Variants in FRMPD4 observed in about 807,000 individuals in gnomAD.
FRMPD4 encodes the protein FERM and PDZ domain containing 4.
A neutral mutation model predicts 94.1 loss-of-function variants in FRMPD4; 22 were observed. The ratio of observed to expected loss-of-function variants is 0.23; its 90% CI spans 0.17 to 0.33. The LOEUF is 0.33. Ranked by LOEUF, FRMPD4 falls within the 10% of genes least tolerant of loss-of-function variation. The pLI is 1.00. For missense variants in FRMPD4, 1,111 were observed against 1,339.9 expected, an observed-to-expected ratio of 0.83 and a Z score of 2.67; for synonymous variants, 631 against 548.6, an observed-to-expected ratio of 1.15 and a Z score of -2.10.
intron 1 of FRMPD4, among the ~76,000 whole-genome samples, chrX:12,221,931 A>C (rs1001724195): frequency 8.9e-6 from 1 of 112,475 alleles, no homozygotes; most frequent in Admixed American, 9.4e-5. Context: ...TGAAGATTTT[A>C]TAATGTAAAG....
intron 3 of FRMPD4, among the ~76,000 whole-genome samples, chrX:11,996,963 A>G (rs1247256041): frequency 4.5e-5 from 5 of 111,736 alleles, no homozygotes; most frequent in African/African-American, 1.3e-4. Context: ...GAGGGTGATT[A>G]CTACATGGCT....
intron 1 of FRMPD4, among the ~76,000 whole-genome samples, chrX:12,417,487 G>T (rs1252749996): frequency 3.8e-5 from 4 of 104,437 alleles, no homozygotes; most frequent in African/African-American, 7.0e-5. Context: ...GCCAAGGCAG[G>T]AGAATCACTT....
At chrX:12,537,815 C>T (rs985784423) in intron 2 of FRMPD4, among the ~76,000 whole-genome samples, 8 of 110,465 alleles carry the variant, frequency 7.2e-5, no homozygotes, top group African/African-American at 2.6e-4. Context: ...ATTAACAAAA[C>T]TTTTCCAGGT....
rs769154597 is a variant in FRMPD4 at position 12,614,793 on chromosome X, G to A, written c.334G>A (p.Gly112Ser). 14 of 1,169,884 alleles carry A rather than the reference G, an allele frequency of 1.2e-5. No individual in the cohort carries two copies. Among genetic ancestry groups the A allele is most frequent in the Admixed American group, 2.2e-5 (1 of 45,508 alleles). The change falls in exon 4 of 17, where the codon GGC becomes AGC. Residue 112 changes from glycine to serine, a missense_variant. By Grantham distance (56) the Gly-to-Ser change is moderately conservative (BLOSUM62 0). Transcript: ENST00000675598. ...RSVTPGGPSE[G>S]KLIPGDQIVM... ...TTTGTCTCCAGGTGGCCCCTCTGAAGGCAAGCTGATCCCGGGAGATCAGAT... is the reference window on the plus strand; with the variant it reads ...TTTGTCTCCAGGTGGCCCCTCTGAAAGCAAGCTGATCCCGGGAGATCAGAT...
intron 1 of FRMPD4, among the ~76,000 whole-genome samples, chrX:12,159,019 T>A (rs748613272): frequency 8.9e-6 from 1 of 112,386 alleles, no homozygotes; most frequent in East Asian, 2.8e-4. Flanking sequence ...ATATTTAAGC[T>A]GGAGCAGGAT....
chrX:12,190,710 G>T (rs868421568), intron 1 of FRMPD4, among the ~76,000 whole-genome samples: 52 of 64,455 alleles, frequency 8.1e-4, no homozygotes, highest in Non-Finnish European at 1.5e-3. Context: ...AAAAAAAAAA[G>T]AATCTACACA....
At position 12,683,603 on chromosome X, in the gene FRMPD4, C is replaced by CAAAGCAGGTGA; in HGVS notation, c.573+16_573+17insAAAGCAGGTGA. 1.1e-6 allele frequency: 1 copy of CAAAGCAGGTGA among 918,493 alleles called. No individual in the cohort carries two copies. The allele number at this position is 918,493 out of a possible 1,213,427, so 75.7% of individuals were successfully genotyped here. On this transcript the variant is annotated intron_variant, in intron 6 of 16. Coordinates refer to ENST00000675598, the MANE Select transcript of FRMPD4 (RefSeq NM_001368397.1). Reference sequence around the variant, plus strand: ...CCAAGTGTCGGTGAGTTTACAGTCACCTGCTTTGTGACTCAGGGAGAGTCA... The same window carrying CAAAGCAGGTGA: ...CCAAGTGTCGGTGAGTTTACAGTCACAAAGCAGGTGACTGCTTTGTGACTCAGGGAGAGTCA...
intron 1 of FRMPD4, among the ~76,000 whole-genome samples, chrX:11,853,891 A>G (rs778530219): frequency 6.2e-5 from 7 of 112,471 alleles, no homozygotes; most frequent in Non-Finnish European, 1.3e-4. Flanking sequence ...TGAGGCCAGC[A>G]TCATCCTGAT....
chrX:12,138,724 T>G lies in FRMPD4; in HGVS notation c.-248T>G. ...GCGCCCTGCCTGGCTCCCTCTCCAT[T>G]GAGTTTTCCTGCCTCGGGTGCCTAT... On this transcript the variant is annotated 5_prime_UTR_variant, in exon 1 of 17. In the 5' UTR this introduces an upstream ATG that the reference lacks. Coordinates refer to ENST00000675598, the MANE Select transcript of FRMPD4 (RefSeq NM_001368397.1). 1 of 308,722 alleles carries G rather than the reference T, an allele frequency of 3.2e-6. No homozygotes were observed. Among genetic ancestry groups the G allele is most frequent in the Non-Finnish European group, 5.6e-6 (1 of 178,087 alleles). 25.4% of individuals were successfully genotyped at this position (308,722 alleles called of 1,213,427 possible). A position where few individuals can be genotyped will look rare whatever the true frequency, so the allele number is the denominator to read the frequency against.
chrX:12,116,334 T>C (rs2055408635), intron 3 of FRMPD4, among the ~76,000 whole-genome samples: 1 of 112,360 alleles, frequency 8.9e-6, no homozygotes, highest in South Asian at 3.7e-4. Context: ...AAGATCCGTT[T>C]TAAAACATTT....
chrX:11,856,136 C>G (rs1239403313), intron 1 of FRMPD4, among the ~76,000 whole-genome samples: 1 of 111,541 alleles, frequency 9.0e-6, no homozygotes, highest in African/African-American at 3.3e-5. Flanking sequence ...CATCAGATCT[C>G]ATGAGAACTA....
intron 1 of FRMPD4, among the ~76,000 whole-genome samples, chrX:12,280,959 TG>T: frequency 8.9e-6 from 1 of 112,330 alleles, no homozygotes; most frequent in East Asian, 2.8e-4. Flanking sequence ...TACTGCTCCC[TG>T]GGTATCTTCT....
intron 2 of FRMPD4, among the ~76,000 whole-genome samples, chrX:12,525,643 C>A (rs1262182384): frequency 3.6e-5 from 4 of 112,349 alleles, no homozygotes; most frequent in Admixed American, 2.8e-4. Flanking sequence ...TGAACATATT[C>A]TTTTTTATTT....
chrX:11,895,154 A>G (rs763894267), intron 3 of FRMPD4, among the ~76,000 whole-genome samples: 1 of 112,162 alleles, frequency 8.9e-6, no homozygotes, highest in East Asian at 2.8e-4. Flanking sequence ...AGGAGCACTT[A>G]TTGACTTTGG....
chrX:11,914,292 T>C (rs1044752768), intron 3 of FRMPD4, among the ~76,000 whole-genome samples: 1 of 41,554 alleles, frequency 2.4e-5, no homozygotes, highest in Non-Finnish European at 6.5e-5. Context: ...CTTTTTTTTC[T>C]TTTTTTTTTT....
chrX:12,422,306 A>C (rs2056893939), intron 1 of FRMPD4, among the ~76,000 whole-genome samples: 1 of 112,345 alleles, frequency 8.9e-6, no homozygotes, highest in South Asian at 3.7e-4. Context: ...GTAGGACGCT[A>C]GAGACAGGCT....
At chrX:12,024,150 G>A (rs1409312654) in intron 3 of FRMPD4, among the ~76,000 whole-genome samples, 1 of 111,740 alleles carries the variant, frequency 8.9e-6, no homozygotes, top group Non-Finnish European at 1.9e-5. Flanking sequence ...GCTAAGCTCT[G>A]AAAGATTGTC....
chrX:12,575,597 AT>A (rs2058804175), intron 2 of FRMPD4, among the ~76,000 whole-genome samples: 1 of 111,897 alleles, frequency 8.9e-6, no homozygotes, highest in South Asian at 3.7e-4. Flanking sequence ...CTGTGAATAT[AT>A]TACATTACAT....
At chrX:12,507,393 A>G (rs1378454121) in intron 2 of FRMPD4, among the ~76,000 whole-genome samples, 2 of 112,129 alleles carry the variant, frequency 1.8e-5, no homozygotes, top group African/African-American at 6.5e-5. Context: ...CATAGGAAAC[A>G]TGTAAATAAA....
Sources: allele counts gnomAD v4.1 joint callset (sites outside exome capture counted in the v4.1 genomes callset), GRCh38; gene constraint gnomAD v4.1.1; transcripts MANE v1.5; gene names NCBI Gene and HGNC (gene_info 2026-07-23, HGNC 2026-07-21).